Variants in LPP observed in about 807,000 individuals in gnomAD.
LPP encodes the protein lipoma-preferred partner.
Under a neutral mutation model 60.4 loss-of-function variants are expected in LPP, and 38 were observed. The ratio of observed to expected loss-of-function variants is 0.63; its 90% CI spans 0.49 to 0.83. The LOEUF (loss-of-function observed/expected upper bound fraction) is 0.83. Ranked by LOEUF, LPP falls within the 40% of genes least tolerant of loss-of-function variation. The pLI is 0.00. For synonymous variants in LPP, 328 were observed against 290.8 expected (o/e 1.13, Z -1.30); for missense variants, 902 against 783.6 (o/e 1.15, Z -1.80).
chr3:188,593,227 T>G (rs1384024803), intron 6 of LPP, among the ~76,000 whole-genome samples: 1 of 151,670 alleles, frequency 6.6e-6, no homozygotes, highest in Non-Finnish European at 1.5e-5. Context: ...CTAATAATGA[T>G]GTAGCTGATC....
chr3:188,577,745 G>C lies in LPP; in HGVS notation c.430-31416G>C, dbSNP rs751731519. Among the ~76,000 whole-genome samples, 400 of 68,394 alleles carry C rather than the reference G, an allele frequency of 5.8e-3. 3 individuals are homozygous for C. The highest frequency in any genetic ancestry group is 7.5e-3 in the African/African-American group (162 of 21,492). The allele number at this position is 68,394 out of a possible 152,430, so 44.9% of individuals were successfully genotyped here. A position where few individuals can be genotyped will look rare whatever the true frequency, so the allele number is the denominator to read the frequency against. On this transcript the variant is annotated intron_variant, in intron 6 of 11. Coordinates refer to ENST00000617246, the MANE Select transcript of LPP (RefSeq NM_001375462.1). ...TCTCTTTGGTTTCCTTCCTTCCTTT[G>C]TTCCTTCGTTCCTTCGTTCCTTCCT...
intron 4 of LPP, among the ~76,000 whole-genome samples, chr3:188,466,214 T>A (rs1372940608): frequency 6.6e-6 from 1 of 152,108 alleles, no homozygotes; most frequent in African/African-American, 2.4e-5. Context: ...AGAGTCAGGG[T>A]CATTCATTGG....
chr3:188,379,159 A>G (rs954006761), intron 3 of LPP, among the ~76,000 whole-genome samples: 1 of 152,164 alleles, frequency 6.6e-6, no homozygotes, highest in Non-Finnish European at 1.5e-5. Context: ...ATGGAAACAT[A>G]AGACACAAGT....
At chr3:188,656,822 G>A (rs1225950534) in intron 7 of LPP, among the ~76,000 whole-genome samples, 3 of 152,142 alleles carry the variant, frequency 2.0e-5, no homozygotes, top group Non-Finnish European at 4.4e-5. Flanking sequence ...TGCCACTGAG[G>A]GCTGCCCAAT....
rs960231592 is a variant in LPP at position 188,249,761 on chromosome 3, G to C, written c.-67+24234G>C. ...ATACTTTTACTCAGATTCGTCTATTGTTAACATTTTATCCCATTGGATTTA... is the reference window on the plus strand; with the variant it reads ...ATACTTTTACTCAGATTCGTCTATTCTTAACATTTTATCCCATTGGATTTA... On this transcript the variant is annotated intron_variant, in intron 2 of 11. Transcript: ENST00000617246. Among the ~76,000 whole-genome samples the C allele has an allele frequency of 2.0e-5, 3 of 147,520 alleles. No individual in the cohort carries two copies. In the Admixed American group the frequency reaches 2.0e-4, roughly 10 times the overall value.
Position 188,866,224 on chromosome 3 carries a change from T to A in LPP, c.1435T>A (p.Cys479Ser). 6.4e-7 allele frequency: 1 copy of A among 1,564,156 alleles called. No individual in the cohort carries two copies. Among genetic ancestry groups the A allele is most frequent in the Non-Finnish European group, 8.7e-7 (1 of 1,153,514 alleles). The change falls in exon 10 of 12, where the codon TGT (cysteine) becomes AGT (serine). Residue 479 changes from cysteine to serine, a missense_variant. Physicochemically the swap from Cys to Ser is moderately radical, Grantham distance 112. Coordinates refer to ENST00000617246, the MANE Select transcript of LPP (RefSeq NM_001375462.1). ...YINTLEQCNV[C>S]SKPIMERILR... is the part of the protein sequence containing the mutation. Reference sequence around the variant, plus strand: ...GAATACTCTGGAGCAGTGCAATGTGTGTTCCAAGCCCATCATGGAGCGGAT... The same window carrying A: ...GAATACTCTGGAGCAGTGCAATGTGAGTTCCAAGCCCATCATGGAGCGGAT...
chr3:188,516,349 C>T (rs906465407), intron 5 of LPP, among the ~76,000 whole-genome samples: 38 of 152,192 alleles, frequency 2.5e-4, no homozygotes, highest in Middle Eastern at 3.4e-3. Flanking sequence ...CTACTGAATA[C>T]GGCCTGTGTC....
At chr3:188,370,170 C>A (rs1312468032) in intron 3 of LPP, among the ~76,000 whole-genome samples, 1 of 152,178 alleles carries the variant, frequency 6.6e-6, no homozygotes, top group Non-Finnish European at 1.5e-5. Flanking sequence ...TCTTGATTCA[C>A]CTGCCTCGGC....
In LPP at chr3:188,495,082, A is replaced by ATATATATATATAT. The variant is rs1342207321; in HGVS notation, c.306+10379_306+10380insATATATATATATT. Among the ~76,000 whole-genome samples the ATATATATATATAT allele has an allele frequency of 1.3e-3, 131 of 97,232 alleles. 7 individuals carry two copies. Among genetic ancestry groups the ATATATATATATAT allele is most frequent in the Admixed American group, 2.3e-3 (18 of 7,820 alleles). 63.8% of individuals were successfully genotyped at this position (97,232 alleles called of 152,430 possible). On this transcript the variant is annotated intron_variant, in intron 5 of 11. Transcript: ENST00000617246. The stretch of plus-strand genomic sequence containing the variant: ...CAGGATTTTATATATATATATATAT[A>ATATATATATATAT]TTTTATTTATATTTTATTATATATT...
At chr3:188,644,149 G>A (rs1057102792) in intron 7 of LPP, among the ~76,000 whole-genome samples, 10 of 152,106 alleles carry the variant, frequency 6.6e-5, no homozygotes, top group Non-Finnish European at 2.9e-5. Flanking sequence ...GGAGGAGAAG[G>A]GATCTGAGCT....
rs911495795 is a variant in LPP, at chr3:188,879,938, C to T, written c.*5459C>T. ...CCTTTTCTATTTAATTTTCCTGGCC[C>T]TTGTGCAAAAAATTGTGGACTCTAT... On this transcript the variant is annotated 3_prime_UTR_variant, in exon 12 of 12. Coordinates refer to ENST00000617246, the MANE Select transcript of LPP (RefSeq NM_001375462.1). The T allele has an allele frequency of 2.2e-5, 4 of 181,056 alleles. No individual in the cohort carries two copies. Among genetic ancestry groups the T allele is most frequent in the African/African-American group, 9.4e-5 (4 of 42,366 alleles). 11.2% of individuals were successfully genotyped at this position (181,056 alleles called of 1,614,324 possible).
chr3:188,733,799 A>G (rs1207512180), intron 8 of LPP, among the ~76,000 whole-genome samples: 1 of 150,104 alleles, frequency 6.7e-6, no homozygotes, highest in Non-Finnish European at 1.5e-5. Context: ...TTTTACTTCT[A>G]TTGGAATTCA....
At chr3:188,333,309 G>T (rs926061934) in intron 2 of LPP, among the ~76,000 whole-genome samples, 2 of 152,236 alleles carry the variant, frequency 1.3e-5, no homozygotes, top group East Asian at 3.9e-4. Context: ...TGGTCATGCT[G>T]TGTTGTCTGC....
rs1041492787 is a variant in LPP, at chr3:188,692,714, G to A, written c.1114-15553G>A. Among the ~76,000 whole-genome samples, 9 of 152,220 alleles carry A rather than the reference G, an allele frequency of 5.9e-5. No homozygotes were observed. In the South Asian group the frequency reaches 1.2e-3, roughly 21 times the overall value. ...TAGCATGGCACTTACTAGGCACTCA[G>A]CAAGTGCCCTTTGAATAAATGTATT... On this transcript the variant is annotated intron_variant, in intron 7 of 11. Transcript: ENST00000617246.
At chr3:188,732,451 A>C (rs1361789448) in intron 8 of LPP, among the ~76,000 whole-genome samples, 1 of 152,156 alleles carries the variant, frequency 6.6e-6, no homozygotes, top group East Asian at 1.9e-4. Context: ...TAGATTAACT[A>C]ATATTGGTCA....
chr3:188,839,001 A>G (rs572062420), intron 9 of LPP, among the ~76,000 whole-genome samples: 8 of 152,334 alleles, frequency 5.3e-5, no homozygotes, highest in African/African-American at 1.9e-4. Context: ...TACATTCTGC[A>G]CATGTATCTC....
At chr3:188,195,240 CA>C (rs1729203634) in intron 1 of LPP, among the ~76,000 whole-genome samples, 1 of 149,160 alleles carries the variant, frequency 6.7e-6, no homozygotes. Context: ...GCCTGGGCGA[CA>C]AGAGCGAGAC....
chr3:188,687,711 C>G (rs1283284895), intron 7 of LPP, among the ~76,000 whole-genome samples: 6 of 151,422 alleles, frequency 4.0e-5, no homozygotes, highest in Non-Finnish European at 7.4e-5. Flanking sequence ...ACTCATTGGT[C>G]TGATTTCTTG....
intron 6 of LPP, among the ~76,000 whole-genome samples, chr3:188,539,489 T>C (rs1007030763): frequency 6.6e-6 from 1 of 152,124 alleles, no homozygotes; most frequent in Non-Finnish European, 1.5e-5. Flanking sequence ...AGGAAGGCAG[T>C]CAGCAATGTA....
Sources: allele counts gnomAD v4.1 joint callset (sites outside exome capture counted in the v4.1 genomes callset), GRCh38; gene constraint gnomAD v4.1.1; transcripts MANE v1.5; gene names NCBI Gene and HGNC (gene_info 2026-07-23, HGNC 2026-07-21).